Variants in GHR observed in about 807,000 individuals in gnomAD.
GHR encodes growth hormone receptor.
A neutral mutation model predicts 67.1 loss-of-function variants in GHR; 35 were observed. The observed-to-expected ratio is 0.52, with a 90% CI of 0.40 to 0.69. The LOEUF is 0.69. Ranked by LOEUF, GHR falls within the 30% of genes least tolerant of loss-of-function variation. The pLI, the probability that GHR is intolerant of heterozygous loss-of-function variation, is 0.00. For synonymous variants in GHR, 272 were observed against 269.1 expected, an observed-to-expected ratio of 1.01 and a Z score of -0.10; for missense variants, 792 against 764.6, an observed-to-expected ratio of 1.04 and a Z score of -0.42.
At chr5:42,531,239 C>G (rs995000416) in intron 1 of GHR, among the ~76,000 whole-genome samples, 3 of 151,384 alleles carry the variant, frequency 2.0e-5, no homozygotes, top group Admixed American at 2.0e-4. Flanking sequence ...TGCACTCCAG[C>G]CTGGGCAACA....
At chr5:42,437,368 G>A (rs945883318) in intron 1 of GHR, among the ~76,000 whole-genome samples, 1 of 152,102 alleles carries the variant, frequency 6.6e-6, no homozygotes, top group African/African-American at 2.4e-5. Context: ...TGCAAACTAT[G>A]CTTCACCAAG....
chr5:42,502,351 A>AT (rs1746574047), intron 1 of GHR, among the ~76,000 whole-genome samples: 1 of 152,200 alleles, frequency 6.6e-6, no homozygotes, highest in African/African-American at 2.4e-5. Context: ...AATAAAAAAT[A>AT]TTTTTCAAAT....
intron 3 of GHR, among the ~76,000 whole-genome samples, chr5:42,685,157 T>C (rs1757077621): frequency 6.6e-6 from 1 of 152,170 alleles, no homozygotes; most frequent in South Asian, 2.1e-4. Context: ...TGTGTTCTCA[T>C]TGTTCAACTC....
rs146914111 is a variant in GHR at position 42,695,061 on chromosome 5, T to A, written c.411T>A (p.Asp137Glu). 3.1e-4 allele frequency: 495 copies of A among 1,611,512 alleles called. 1 individual carries two copies. Among genetic ancestry groups the A allele is most frequent in the Non-Finnish European group, 4.1e-4 (479 of 1,177,664 alleles). The change falls in exon 5 of 10, where the codon GAT becomes GAA. Residue 137 changes from aspartate to glutamate, a missense_variant. Transcript: ENST00000230882. ...TAACTAGCAATGGTGGTACAGTGGA[T>A]GAAAAGTGTTTCTCTGTTGATGAAA... ...IKLTSNGGTVDEKCFSVDEIV... is the reference protein window; with the variant it reads ...IKLTSNGGTVEEKCFSVDEIV...
chr5:42,499,081 C>T (rs1477896701), intron 1 of GHR, among the ~76,000 whole-genome samples: 1 of 152,140 alleles, frequency 6.6e-6, no homozygotes, highest in Non-Finnish European at 1.5e-5. Flanking sequence ...AAGCATGTGC[C>T]AGTGAAGAGT....
At chr5:42,524,854 A>G (rs901265263) in intron 1 of GHR, among the ~76,000 whole-genome samples, 8 of 152,224 alleles carry the variant, frequency 5.3e-5, no homozygotes, top group Non-Finnish European at 1.2e-4. Context: ...AGAGGGTGGA[A>G]GCCCCAAGCC....
At chr5:42,556,351 A>AT (rs1475577351) in intron 1 of GHR, among the ~76,000 whole-genome samples, 1 of 152,196 alleles carries the variant, frequency 6.6e-6, no homozygotes, top group Non-Finnish European at 1.5e-5. Context: ...TGTATGAGAA[A>AT]TTGTCTCCTA....
intron 1 of GHR, among the ~76,000 whole-genome samples, chr5:42,513,856 T>C (rs1049882991): frequency 6.6e-6 from 1 of 152,154 alleles, no homozygotes; most frequent in African/African-American, 2.4e-5. Flanking sequence ...TGATGTTAGC[T>C]CATGTGTGTT....
chr5:42,553,353 G>T (rs373007841), intron 1 of GHR, among the ~76,000 whole-genome samples: 1 of 152,078 alleles, frequency 6.6e-6, no homozygotes. Flanking sequence ...CCATTTCCTT[G>T]CTGGCTGTCA....
At chr5:42,559,510 C>T (rs1008834525) in intron 1 of GHR, among the ~76,000 whole-genome samples, 5 of 152,188 alleles carry the variant, frequency 3.3e-5, no homozygotes, top group African/African-American at 1.2e-4. Context: ...TATGCCACTG[C>T]ACTCCCAACC....
At chr5:42,653,516 T>A (rs1755107355) in intron 3 of GHR, among the ~76,000 whole-genome samples, 2 of 152,170 alleles carry the variant, frequency 1.3e-5, no homozygotes, top group Admixed American at 1.3e-4. Flanking sequence ...GGTTGTATTA[T>A]GGGCATGGTA....
intron 1 of GHR, among the ~76,000 whole-genome samples, chr5:42,478,623 G>A (rs1745457007): frequency 6.6e-6 from 1 of 152,080 alleles, no homozygotes; most frequent in Non-Finnish European, 1.5e-5. Context: ...TGGATTTCTA[G>A]GTATTTTATT....
intron 2 of GHR, among the ~76,000 whole-genome samples, chr5:42,585,853 G>C (rs1179072645): frequency 6.6e-6 from 1 of 152,136 alleles, no homozygotes; most frequent in Admixed American, 6.5e-5. Context: ...ATTATAGGTG[G>C]CTGGATAGCA....
At chr5:42,578,698 T>G (rs575543617) in intron 2 of GHR, among the ~76,000 whole-genome samples, 1 of 152,300 alleles carries the variant, frequency 6.6e-6, no homozygotes, top group South Asian at 2.1e-4. Context: ...ATGTAGTTTT[T>G]AAATCTAGAA....
intron 2 of GHR, among the ~76,000 whole-genome samples, chr5:42,585,680 C>A (rs1189870141): frequency 6.6e-6 from 1 of 152,058 alleles, no homozygotes; most frequent in Non-Finnish European, 1.5e-5. Flanking sequence ...ATTTTAACCC[C>A]CTTGAAGTTT....
At chr5:42,484,899 C>G (rs1043577425) in intron 1 of GHR, among the ~76,000 whole-genome samples, 1 of 152,108 alleles carries the variant, frequency 6.6e-6, no homozygotes, top group East Asian at 1.9e-4. Flanking sequence ...TAGAAGTACC[C>G]GTAATATCCA....
chr5:42,697,907 C>T (rs747357826), intron 5 of GHR, among the ~76,000 whole-genome samples: 26 of 152,066 alleles, frequency 1.7e-4, no homozygotes, highest in Non-Finnish European at 3.5e-4. Context: ...AGGATAATGG[C>T]CAGGACCAGG....
At chr5:42,707,803 G>A (rs112755270) in intron 6 of GHR, among the ~76,000 whole-genome samples, 2,729 of 151,818 alleles carry the variant, frequency 0.018, 144 homozygotes, top group South Asian at 0.17. Context: ...ACACACACAC[G>A]TTTTAAATTT....
At chr5:42,434,968 C>A (rs188669666) in intron 1 of GHR, among the ~76,000 whole-genome samples, 217 of 152,252 alleles carry the variant, frequency 1.4e-3, no homozygotes, top group Non-Finnish European at 2.7e-3. Context: ...TGACTCTCAG[C>A]CAATTAAACT....
Sources: gnomAD v4.1 joint callset for allele counts (sites outside exome capture counted in the v4.1 genomes callset) on GRCh38, gnomAD v4.1.1 for gene constraint, MANE v1.5 for transcripts, NCBI Gene and HGNC (gene_info 2026-07-23, HGNC 2026-07-21) for gene names.